The following MALRD1 variants were observed in gnomAD, a reference collection of about 807,000 sequenced individuals.
The protein encoded by MALRD1 is MAM and LDL-receptor class A domain-containing protein 1.
A neutral mutation model predicts 242.1 loss-of-function variants in MALRD1; 247 were observed. The observed-to-expected ratio is 1.02, with a 90% CI of 0.92 to 1.13. The LOEUF is 1.13. Ranked by LOEUF, MALRD1 falls within the 50% of genes most tolerant of loss-of-function variation. MALRD1 has a pLI of 0.00. For synonymous variants in MALRD1, 995 were observed against 866.6 expected (o/e 1.15, Z -2.60); for missense variants, 2,989 against 2,533.1 (o/e 1.18, Z -3.86).
intron 21 of MALRD1, among the ~76,000 whole-genome samples, chr10:19,290,669 G>C (rs1327307246): frequency 6.6e-6 from 1 of 152,054 alleles, no homozygotes. Flanking sequence ...AAATGAGTTT[G>C]TACCCATTCA....
At chr10:19,101,516 A>T (rs915372325) in intron 4 of MALRD1, among the ~76,000 whole-genome samples, 19 of 135,854 alleles carry the variant, frequency 1.4e-4, no homozygotes, top group African/African-American at 4.8e-4. Context: ...GTATATCATT[A>T]TATAATATAT....
chr10:19,106,656 T>C (rs1836475374), intron 5 of MALRD1, among the ~76,000 whole-genome samples: 1 of 151,960 alleles, frequency 6.6e-6, no homozygotes, highest in South Asian at 2.1e-4. Flanking sequence ...ATCTTTATTA[T>C]TTATTTCCTT....
At chr10:19,637,673 G>T (rs1840200091) in intron 36 of MALRD1, among the ~76,000 whole-genome samples, 1 of 151,590 alleles carries the variant, frequency 6.6e-6, no homozygotes. Flanking sequence ...ACATGACTTG[G>T]TGGGCACCTG....
chr10:19,270,840 A>G lies in MALRD1; in HGVS notation c.3080-9207A>G, dbSNP rs532136627. 4.2e-4 allele frequency among the ~76,000 whole-genome samples: 64 copies of G among 150,844 alleles called. 1 individual carries two copies. The South Asian group carries it at 0.011, about 25-fold the overall frequency. On this transcript the variant is annotated intron_variant, in intron 19 of 39. Coordinates refer to ENST00000454679, the MANE Select transcript of MALRD1 (RefSeq NM_001142308.3). ...CACACACACACACACACACACACAC[A>G]CACGCACACACAAAATAATATTATT...
chr10:19,487,729 T>C (rs1224357064), intron 29 of MALRD1, among the ~76,000 whole-genome samples: 1 of 152,182 alleles, frequency 6.6e-6, no homozygotes, highest in African/African-American at 2.4e-5. Context: ...TAAAATTTTG[T>C]GGCAAAGTTC....
chr10:19,067,265 T>G (rs904060176), intron 2 of MALRD1, among the ~76,000 whole-genome samples: 1 of 152,180 alleles, frequency 6.6e-6, no homozygotes, highest in Non-Finnish European at 1.5e-5. Context: ...TGGTACCACT[T>G]GTTTAATCAA....
At chr10:19,498,229 C>T (rs1398192798) in intron 30 of MALRD1, among the ~76,000 whole-genome samples, 1 of 152,156 alleles carries the variant, frequency 6.6e-6, no homozygotes, top group Non-Finnish European at 1.5e-5. Flanking sequence ...CATGTGTAGA[C>T]ACAGTTTTAA....
chr10:19,493,549 C>A (rs571122243), intron 30 of MALRD1, among the ~76,000 whole-genome samples: 2 of 151,844 alleles, frequency 1.3e-5, no homozygotes, highest in Non-Finnish European at 2.9e-5. Flanking sequence ...GTGGCTCACA[C>A]CTGTAGTCCC....
chr10:19,459,975 C>T (rs929804828), intron 29 of MALRD1, among the ~76,000 whole-genome samples: 2 of 151,952 alleles, frequency 1.3e-5, no homozygotes, highest in African/African-American at 4.8e-5. Context: ...ACATTATCCT[C>T]AGTTCATGTA....
chr10:19,229,056 C>T (rs1463740886), intron 18 of MALRD1, among the ~76,000 whole-genome samples: 1 of 151,838 alleles, frequency 6.6e-6, no homozygotes, highest in African/African-American at 2.4e-5. Context: ...TGTAGCATCA[C>T]TTTGATAGCA....
intron 26 of MALRD1, among the ~76,000 whole-genome samples, chr10:19,366,260 A>G (rs1308349216): frequency 6.6e-6 from 1 of 151,816 alleles, no homozygotes; most frequent in Admixed American, 6.6e-5. Context: ...AGGCAGTGAC[A>G]GATCATCAGG....
intron 19 of MALRD1, among the ~76,000 whole-genome samples, chr10:19,266,424 C>A (rs1413875938): frequency 6.6e-6 from 1 of 151,760 alleles, no homozygotes; most frequent in African/African-American, 2.4e-5. Flanking sequence ...TTATAAAAAC[C>A]AGCTTATAGT....
At chr10:19,433,845 G>C (rs1177432639) in intron 28 of MALRD1, among the ~76,000 whole-genome samples, 1 of 151,816 alleles carries the variant, frequency 6.6e-6, no homozygotes, top group African/African-American at 2.4e-5. Context: ...GACCCTTGAA[G>C]GACCTTTGCC....
At chr10:19,530,267 G>A (rs1347957468) in intron 31 of MALRD1, among the ~76,000 whole-genome samples, 1 of 140,736 alleles carries the variant, frequency 7.1e-6, no homozygotes, top group African/African-American at 2.6e-5. Context: ...CTAAAAAATT[G>A]TGTATTCATT....
At chr10:19,609,384 A>G (rs1331709890) in intron 35 of MALRD1, among the ~76,000 whole-genome samples, 2 of 152,082 alleles carry the variant, frequency 1.3e-5, no homozygotes, top group Non-Finnish European at 2.9e-5. Flanking sequence ...TCAATCAAAT[A>G]TATTAAAGCC....
chr10:19,626,165 T>A (rs1410654442), intron 36 of MALRD1, among the ~76,000 whole-genome samples: 1 of 152,078 alleles, frequency 6.6e-6, no homozygotes, highest in Non-Finnish European at 1.5e-5. Context: ...GGCCCAAGAA[T>A]AGGCATAAAA....
chr10:19,083,641 T>A (rs1835565531), intron 2 of MALRD1, among the ~76,000 whole-genome samples: 1 of 151,982 alleles, frequency 6.6e-6, no homozygotes, highest in Non-Finnish European at 1.5e-5. Context: ...ACAGGTCAAA[T>A]AATACAATTG....
intron 28 of MALRD1, among the ~76,000 whole-genome samples, chr10:19,448,696 A>G (rs1486303852): frequency 6.6e-6 from 1 of 152,112 alleles, no homozygotes; most frequent in Non-Finnish European, 1.5e-5. Flanking sequence ...ACCCTCAGCT[A>G]TCCATGTTTA....
At position 19,485,381 on chromosome 10, in the gene MALRD1, C is replaced by T. The variant is rs1331784675; in HGVS notation, c.5030-6136C>T. ...AAAGAAGGCCGGGCACGGTGGCTCACGCCTGTAATCCCAGCACTTTGGGAG... is the reference window on the plus strand; with the variant it reads ...AAAGAAGGCCGGGCACGGTGGCTCATGCCTGTAATCCCAGCACTTTGGGAG... On this transcript the variant is annotated intron_variant, in intron 29 of 39. Coordinates refer to ENST00000454679, the MANE Select transcript of MALRD1 (RefSeq NM_001142308.3). Among the ~76,000 whole-genome samples, 7 of 152,238 alleles carry T rather than the reference C, an allele frequency of 4.6e-5. No individual in the cohort carries two copies. In the South Asian group the frequency reaches 8.3e-4, roughly 18 times the overall value.
Sources: allele counts gnomAD v4.1 joint callset (sites outside exome capture counted in the v4.1 genomes callset), GRCh38; gene constraint gnomAD v4.1.1; transcripts MANE v1.5; gene names NCBI Gene and HGNC (gene_info 2026-07-23, HGNC 2026-07-21).